The following CADM2 variants were observed in gnomAD, a reference collection of about 807,000 sequenced individuals.
CADM2 encodes immunoglobulin superfamily member 4D.
Under a neutral mutation model 49.8 loss-of-function variants are expected in CADM2, and 12 were observed. The observed-to-expected ratio is 0.24, with a 90% CI of 0.15 to 0.39. CADM2 has a LOEUF of 0.39. Among genes scored for constraint, CADM2 ranks in the 10% least tolerant of loss-of-function variants. The probability of loss-of-function intolerance (pLI) is 1.00; values close to 1 mark genes in which losing one functional copy is unlikely to be tolerated. For synonymous variants in CADM2, 214 were observed against 175.4 expected, an observed-to-expected ratio of 1.22 and a Z score of -1.74; for missense variants, 378 against 492.3, an observed-to-expected ratio of 0.77 and a Z score of 2.20.
chr3:85,721,504 G>A (rs1483820304), intron 1 of CADM2, among the ~76,000 whole-genome samples: 1 of 152,118 alleles, frequency 6.6e-6, no homozygotes, highest in Non-Finnish European at 1.5e-5. Context: ...GGTGTGGAAT[G>A]GTGAGGGGTG....
At chr3:85,427,184 A>ATATATATATATATATATAT (rs1559834463) in intron 1 of CADM2, among the ~76,000 whole-genome samples, 1 of 126,404 alleles carries the variant, frequency 7.9e-6, no homozygotes, top group African/African-American at 2.7e-5. Flanking sequence ...ATATATATAT[A>ATATATATATATATATATAT]TATATATATA....
At chr3:85,439,682 TG>T in intron 1 of CADM2, among the ~76,000 whole-genome samples, 1 of 152,210 alleles carries the variant, frequency 6.6e-6, no homozygotes, top group South Asian at 2.1e-4. Context: ...CCATGTGTTT[TG>T]GGCCACTTGA....
chr3:85,644,497 T>C (rs2064826623), intron 1 of CADM2, among the ~76,000 whole-genome samples: 1 of 152,116 alleles, frequency 6.6e-6, no homozygotes, highest in East Asian at 1.9e-4. Context: ...TAGAACCAAA[T>C]GATAAAAGAG....
chr3:85,251,783 T>C (rs2042779540), intron 1 of CADM2, among the ~76,000 whole-genome samples: 1 of 152,002 alleles, frequency 6.6e-6, no homozygotes, highest in Non-Finnish European at 1.5e-5. Context: ...GCACTTTTAC[T>C]CACTTTGTGT....
intron 3 of CADM2, among the ~76,000 whole-genome samples, chr3:85,848,917 C>T (rs969432131): frequency 3.3e-5 from 5 of 151,958 alleles, no homozygotes; most frequent in African/African-American, 4.8e-5. Context: ...ATTGAGGCTA[C>T]GACAAATTTA....
chr3:85,693,410 C>G (rs145266126), intron 1 of CADM2, among the ~76,000 whole-genome samples: 1,482 of 146,664 alleles, frequency 0.01, 32 homozygotes, highest in African/African-American at 0.036. Flanking sequence ...GAAACCCCGT[C>G]TCTACTAAAA....
At chr3:85,942,278 G>C (rs1036450102) in intron 7 of CADM2, among the ~76,000 whole-genome samples, 1 of 151,724 alleles carries the variant, frequency 6.6e-6, no homozygotes, top group African/African-American at 2.4e-5. Context: ...ACTAAACATG[G>C]ACAAGAACAA....
intron 8 of CADM2, among the ~76,000 whole-genome samples, chr3:86,052,613 C>T (rs1737474840): frequency 6.6e-6 from 1 of 152,048 alleles, no homozygotes; most frequent in Admixed American, 6.6e-5. Flanking sequence ...TATAATTATA[C>T]TTCATATTAA....
At chr3:85,543,420 A>ATGTGTGTGGGTGTGTGTGTGTGTG (rs372108050) in intron 1 of CADM2, among the ~76,000 whole-genome samples, 103 of 129,640 alleles carry the variant, frequency 7.9e-4, no homozygotes, top group East Asian at 1.6e-3. Context: ...TGCCAAGCTA[A>ATGTGTGTGGGTGTGTGTGTGTGTG]TGTGTGTGTG....
In CADM2 at chr3:84,959,264, C is replaced by T. The variant is rs1265104817; in HGVS notation, c.-344C>T. 1 of 459,094 alleles carries T rather than the reference C, an allele frequency of 2.2e-6. No individual in the cohort carries two copies. Among genetic ancestry groups the T allele is most frequent in the Non-Finnish European group, 4.0e-6 (1 of 252,140 alleles). The allele number at this position is 459,094 out of a possible 1,614,324, so 28.4% of individuals were successfully genotyped here. ...TCTCCAACACCCCGGCATCCCTGCA[C>T]CACCTGCTCGGGCAGCCCCGGCGGG... On this transcript the variant is annotated 5_prime_UTR_variant, in exon 1 of 10. Transcript: ENST00000383699.
At chr3:85,449,334 T>C (rs1363412262) in intron 1 of CADM2, among the ~76,000 whole-genome samples, 1 of 151,946 alleles carries the variant, frequency 6.6e-6, no homozygotes, top group African/African-American at 2.4e-5. Flanking sequence ...GTGAAATAGC[T>C]CCTGAAAGTT....
At chr3:85,799,287 G>T (rs533431260) in intron 2 of CADM2, among the ~76,000 whole-genome samples, 1 of 152,128 alleles carries the variant, frequency 6.6e-6, no homozygotes, top group Non-Finnish European at 1.5e-5. Context: ...GATTGTTCTG[G>T]CTAGAATTTC....
intron 1 of CADM2, among the ~76,000 whole-genome samples, chr3:85,103,683 A>C (rs2038099855): frequency 6.6e-6 from 1 of 152,290 alleles, no homozygotes; most frequent in African/African-American, 2.4e-5. Context: ...TTTTATGCAC[A>C]AAGGTGGGTA....
intron 1 of CADM2, among the ~76,000 whole-genome samples, chr3:85,272,635 A>G (rs1343515455): frequency 1.3e-5 from 2 of 151,338 alleles, no homozygotes; most frequent in Non-Finnish European, 3.0e-5. Flanking sequence ...CAGCACTAGA[A>G]CAGAACTACT....
chr3:85,762,613 C>CTCTCTCTCTGTCTG (rs1553682288), intron 2 of CADM2, among the ~76,000 whole-genome samples: 2 of 147,978 alleles, frequency 1.4e-5, no homozygotes, highest in African/African-American at 2.5e-5. Flanking sequence ...CTCTCTCTCT[C>CTCTCTCTCTGTCTG]TCTCTCTCTG....
rs763025505 is a variant in CADM2 at position 84,970,602 on chromosome 3, G to A, written c.61+10934G>A. Among the ~76,000 whole-genome samples, 39 of 152,002 alleles carry A rather than the reference G, an allele frequency of 2.6e-4. 1 individual carries two copies. The highest frequency in any genetic ancestry group is 4.1e-4 in the South Asian group (2 of 4,820). ...AGCTTAAGATTTACCTGAATGCCAG[G>A]TGCGGAAATCACTCTGTCATCCTCA... On this transcript the variant is annotated intron_variant, in intron 1 of 9. Transcript: ENST00000383699.
intron 1 of CADM2, among the ~76,000 whole-genome samples, chr3:85,184,538 G>A (rs2041008809): frequency 6.6e-6 from 1 of 152,036 alleles, no homozygotes; most frequent in Admixed American, 6.6e-5. Context: ...GGCATTATAT[G>A]TGATGCTAAA....
intron 7 of CADM2, among the ~76,000 whole-genome samples, chr3:85,942,899 G>C (rs945206188): frequency 1.3e-5 from 2 of 152,048 alleles, no homozygotes; most frequent in African/African-American, 4.8e-5. Flanking sequence ...AGATCCCTGA[G>C]GAATCGCCAC....
intron 1 of CADM2, among the ~76,000 whole-genome samples, chr3:85,470,194 C>G (rs1273775798): frequency 6.6e-6 from 1 of 152,136 alleles, no homozygotes; most frequent in Non-Finnish European, 1.5e-5. Flanking sequence ...ACTCACAAAA[C>G]TTGTTATGGA....
Sources: gnomAD v4.1 joint callset for allele counts (sites outside exome capture counted in the v4.1 genomes callset) on GRCh38, gnomAD v4.1.1 for gene constraint, MANE v1.5 for transcripts, NCBI Gene and HGNC (gene_info 2026-07-23, HGNC 2026-07-21) for gene names.